The following MCTP1 variants were observed in gnomAD, a reference collection of about 807,000 sequenced individuals.
The protein encoded by MCTP1 is multiple C2 and transmembrane domain-containing protein 1.
A neutral mutation model predicts 120.6 loss-of-function variants in MCTP1; 69 were observed. The ratio of observed to expected loss-of-function variants is 0.57; its 90% confidence interval spans 0.47 to 0.70. The LOEUF is 0.70. Ranked by LOEUF, MCTP1 falls within the 30% of genes least tolerant of loss-of-function variation. The probability of loss-of-function intolerance (pLI) is 0.00; values close to 1 mark genes in which losing one functional copy is unlikely to be tolerated. For synonymous variants in MCTP1, 529 were observed against 493.1 expected (o/e 1.07, Z -0.96); for missense variants, 1,203 against 1,248.8 (o/e 0.96, Z 0.55).
chr5:94,919,898 T>C (rs1811099952), intron 7 of MCTP1, among the ~76,000 whole-genome samples: 2 of 152,226 alleles, frequency 1.3e-5, no homozygotes, highest in Non-Finnish European at 2.9e-5. Context: ...TCCAGCGCAG[T>C]CTGAAGTGTC....
At chr5:95,114,544 G>A (rs1348669881) in intron 1 of MCTP1, among the ~76,000 whole-genome samples, 1 of 152,180 alleles carries the variant, frequency 6.6e-6, no homozygotes, top group African/African-American at 2.4e-5. Flanking sequence ...TGGTATTGGT[G>A]GCCACCGGGT....
intron 1 of MCTP1, among the ~76,000 whole-genome samples, chr5:95,215,676 A>G (rs1752964149): frequency 6.6e-6 from 1 of 151,396 alleles, no homozygotes; most frequent in Admixed American, 6.6e-5. Context: ...TGCCTGAAAT[A>G]TGGATATAAT....
At chr5:95,210,043 G>A (rs1407985099) in intron 1 of MCTP1, among the ~76,000 whole-genome samples, 1 of 152,138 alleles carries the variant, frequency 6.6e-6, no homozygotes, top group African/African-American at 2.4e-5. Flanking sequence ...GAGATAGTTT[G>A]TTATAATTTC....
intron 12 of MCTP1, among the ~76,000 whole-genome samples, chr5:94,877,172 T>C (rs1799066850): frequency 6.6e-6 from 1 of 152,122 alleles, no homozygotes; most frequent in South Asian, 2.1e-4. Flanking sequence ...ATCACAGTGC[T>C]TTTAAAAGTG....
chr5:94,786,662 T>G (rs1287411610), intron 18 of MCTP1, among the ~76,000 whole-genome samples: 1 of 152,240 alleles, frequency 6.6e-6, no homozygotes, highest in Non-Finnish European at 1.5e-5. Flanking sequence ...TTCTGCTTTA[T>G]GTAGTGTACT....
intron 1 of MCTP1, among the ~76,000 whole-genome samples, chr5:95,243,953 G>A (rs1756456622): frequency 1.3e-5 from 2 of 152,232 alleles, no homozygotes. Context: ...CTCCACTGGT[G>A]CCTCGCCTTT....
intron 10 of MCTP1, among the ~76,000 whole-genome samples, chr5:94,907,729 TA>T (rs1807296801): frequency 1.3e-5 from 2 of 151,612 alleles, no homozygotes; most frequent in Admixed American, 1.3e-4. Flanking sequence ...TCACAGTTTT[TA>T]AATTGGAAAA....
chr5:95,039,317 T>C lies in MCTP1; in HGVS notation c.721-21833A>G, dbSNP rs1033394581. Among the ~76,000 whole-genome samples, 9 of 152,282 alleles carry C rather than the reference T, an allele frequency of 5.9e-5. No individual in the cohort carries two copies. The East Asian group carries it at 9.7e-4, about 16-fold the overall frequency. On this transcript the variant is annotated intron_variant, in intron 1 of 22. Transcript: ENST00000515393. Reference sequence around the variant, plus strand: ...AAAAGTTCTGGACAGTTGTTGGAAGTGGTTTTCAGGGATAAATATTGACAT... The same window carrying C: ...AAAAGTTCTGGACAGTTGTTGGAAGCGGTTTTCAGGGATAAATATTGACAT...
intron 10 of MCTP1, among the ~76,000 whole-genome samples, chr5:94,906,081 T>G (rs1416715165): frequency 6.6e-6 from 1 of 152,094 alleles, no homozygotes; most frequent in African/African-American, 2.4e-5. Flanking sequence ...TAGACGAAGG[T>G]TGAAAACTGG....
intron 3 of MCTP1, among the ~76,000 whole-genome samples, chr5:94,942,989 A>C (rs759269121): frequency 2.0e-5 from 3 of 152,126 alleles, no homozygotes; most frequent in Admixed American, 6.6e-5. Context: ...AAATGAAAAG[A>C]AAAGAAAGAG....
chr5:94,748,368 C>T (rs905306706), intron 19 of MCTP1, among the ~76,000 whole-genome samples: 3 of 152,196 alleles, frequency 2.0e-5, no homozygotes, highest in African/African-American at 4.8e-5. Flanking sequence ...GACAGCAGTC[C>T]GTTAAGGCTT....
At chr5:94,982,204 C>T (rs1463676803) in intron 2 of MCTP1, among the ~76,000 whole-genome samples, 2 of 152,102 alleles carry the variant, frequency 1.3e-5, no homozygotes, top group Non-Finnish European at 2.9e-5. Flanking sequence ...TATGTCTACA[C>T]TATATCCTTT....
At chr5:95,186,887 G>C (rs1031839018) in intron 1 of MCTP1, among the ~76,000 whole-genome samples, 12 of 152,134 alleles carry the variant, frequency 7.9e-5, no homozygotes, top group African/African-American at 2.9e-4. Context: ...AATACATCCA[G>C]TGGCTTTTAA....
intron 1 of MCTP1, among the ~76,000 whole-genome samples, chr5:95,242,369 T>G (rs1430758322): frequency 6.6e-6 from 1 of 152,184 alleles, no homozygotes; most frequent in Non-Finnish European, 1.5e-5. Context: ...TAAAGGTCAC[T>G]TTTTGAACAA....
At chr5:95,186,266 A>AC (rs1749198351) in intron 1 of MCTP1, among the ~76,000 whole-genome samples, 1 of 141,932 alleles carries the variant, frequency 7.0e-6, no homozygotes, top group South Asian at 2.2e-4. Flanking sequence ...TCTACCAAAA[A>AC]AAAAAGAAAA....
chr5:95,273,178 G>A (rs188017935), intron 1 of MCTP1, among the ~76,000 whole-genome samples: 1 of 152,376 alleles, frequency 6.6e-6, no homozygotes, highest in East Asian at 1.9e-4. Context: ...TGGAGTCCCA[G>A]TGTGGTGTGG....
chr5:94,870,283 AT>A, intron 16 of MCTP1, 133 bp downstream of exon 16: 1 of 592,186 alleles, frequency 1.7e-6, no homozygotes. Context: ...AGAAAGCGCC[AT>A]TTTCAATAAG....
chr5:95,098,950 C>G (rs1304928843), intron 1 of MCTP1, among the ~76,000 whole-genome samples: 1 of 152,038 alleles, frequency 6.6e-6, no homozygotes, highest in African/African-American at 2.4e-5. Flanking sequence ...CAGAACAGAG[C>G]CCTCAGAAAT....
chr5:95,103,842 C>T (rs895989986), intron 1 of MCTP1, among the ~76,000 whole-genome samples: 2 of 152,128 alleles, frequency 1.3e-5, no homozygotes, highest in African/African-American at 4.8e-5. Flanking sequence ...GAAAGAAGTT[C>T]TATGAGCACA....
Sources: gnomAD v4.1 joint callset for allele counts (sites outside exome capture counted in the v4.1 genomes callset) on GRCh38, gnomAD v4.1.1 for gene constraint, MANE v1.5 for transcripts, NCBI Gene and HGNC (gene_info 2026-07-23, HGNC 2026-07-21) for gene names.